ERCC6L2: variants seen among roughly 807,000 people sequenced by gnomAD.
The protein encoded by ERCC6L2 is DNA excision repair protein ERCC-6-like 2.
A neutral mutation model predicts 132.0 loss-of-function variants in ERCC6L2; 77 were observed. That is an observed-to-expected ratio of 0.58 (90% CI 0.49 to 0.71). The LOEUF is 0.71. Ranked by LOEUF, ERCC6L2 falls within the 30% of genes least tolerant of loss-of-function variation. The pLI, the probability that ERCC6L2 is intolerant of heterozygous loss-of-function variation, is 0.00. For missense variants in ERCC6L2, 1,542 were observed against 1,837.6 expected, an observed-to-expected ratio of 0.84 and a Z score of 2.94; for synonymous variants, 583 against 632.4, an observed-to-expected ratio of 0.92 and a Z score of 1.17.
downstream of ERCC6L2, among the ~76,000 whole-genome samples, chr9:96,019,414 C>G (rs1168482665): frequency 6.6e-6 from 1 of 152,170 alleles, no homozygotes; most frequent in Admixed American, 6.5e-5. Context: ...CCGTCCACCA[C>G]TCCCTGCCCT....
downstream of ERCC6L2, among the ~76,000 whole-genome samples, chr9:96,019,482 A>G (rs1834247280): frequency 6.6e-6 from 1 of 151,988 alleles, no homozygotes; most frequent in African/African-American, 2.4e-5. Context: ...GCAAAGCCCT[A>G]GGTTCCTTCC....
In ERCC6L2 at chr9:95,970,586, A is replaced by G; in HGVS notation, c.2111A>G (p.Gln704Arg). The change falls in exon 15 of 19, where the codon CAA becomes CGA. Residue 704 changes from glutamine (Q) to arginine (R), a missense_variant. Around this residue, in one of 4 missense-constraint regions of ERCC6L2, gnomAD observed 945 missense variants for 1,105.2 expected, o/e 0.86. Coordinates refer to ENST00000653738, the MANE Select transcript of ERCC6L2 (RefSeq NM_020207.7). ...TTACTGACATTATAGAGAGAAGGCC[A>G]AGTAGAAGCAGGGATCATGACAGCC... ...LTKDILEREG[Q>R]VEAGIMTATT... is the part of the protein sequence containing the mutation. 1 of 1,303,718 alleles carries G rather than the reference A, an allele frequency of 7.7e-7. No individual in the cohort carries two copies. Among genetic ancestry groups the G allele is most frequent in the Non-Finnish European group, 1.0e-6 (1 of 988,594 alleles). The allele number at this position is 1,303,718 out of a possible 1,614,324, so 80.8% of individuals were successfully genotyped here.
intron 6 of ERCC6L2, chr9:95,918,129 G>C (rs1211403839): frequency 6.9e-6 from 3 of 432,568 alleles, no homozygotes; most frequent in Non-Finnish European, 1.4e-5. Context: ...AAAAATAAAA[G>C]ATAAAAATAG....
At chr9:95,940,717 G>GA (rs990803235) in intron 11 of ERCC6L2, among the ~76,000 whole-genome samples, 3 of 150,374 alleles carry the variant, frequency 2.0e-5, no homozygotes, top group Non-Finnish European at 3.0e-5. Context: ...TAGGAACCAG[G>GA]AAAAAAAAAG....
rs528635678 is a variant in ERCC6L2 at position 95,952,806 on chromosome 9, C to T, written c.1848-3108C>T. ...AGTTTGCTGAGATTGCAACACTGTGCTCCAGCCTGGGCAACAGAGTGACTC... is the reference window on the plus strand; with the variant it reads ...AGTTTGCTGAGATTGCAACACTGTGTTCCAGCCTGGGCAACAGAGTGACTC... On this transcript the variant is annotated intron_variant, in intron 12 of 18. Transcript: ENST00000653738. Among the ~76,000 whole-genome samples the T allele has an allele frequency of 1.7e-3, 263 of 151,782 alleles. 1 individual carries two copies. Among genetic ancestry groups the T allele is most frequent in the Non-Finnish European group, 2.3e-3 (156 of 67,970 alleles).
chr9:95,936,513 A>G (rs1022055420), intron 11 of ERCC6L2, among the ~76,000 whole-genome samples: 3 of 152,142 alleles, frequency 2.0e-5, no homozygotes, highest in Non-Finnish European at 4.4e-5. Context: ...TTAAGAATCC[A>G]TTCTGTGTTA....
chr9:95,918,331 C>A, intron 6 of ERCC6L2: 2 of 389,710 alleles, frequency 5.1e-6, no homozygotes, highest in South Asian at 4.3e-5. Flanking sequence ...AAAGAGGGAC[C>A]AAATGACACG....
At chr9:96,021,106 GC>G, downstream of ERCC6L2, 1 of 423,954 alleles carries the variant, frequency 2.4e-6, no homozygotes, top group South Asian at 1.7e-5. This position sits in a 1 kb window ranked among gnomAD's most constrained non-coding sequence, Gnocchi z 4.7. Context: ...TCCCCCTCGC[GC>G]CCATTACTCT....
At chr9:95,994,216 C>T (rs1045063632) in intron 17 of ERCC6L2, among the ~76,000 whole-genome samples, 1 of 152,114 alleles carries the variant, frequency 6.6e-6, no homozygotes, top group Non-Finnish European at 1.5e-5. Context: ...CCTGTGATGA[C>T]CTTAGAGTGT....
At chr9:95,961,274 A>T (rs1163348021) in intron 13 of ERCC6L2, among the ~76,000 whole-genome samples, 1 of 152,096 alleles carries the variant, frequency 6.6e-6, no homozygotes, top group Non-Finnish European at 1.5e-5. Context: ...AGAAGGGGGA[A>T]ATTTGGATAC....
At chr9:95,881,624 T>C (rs1827600363) in intron 2 of ERCC6L2, among the ~76,000 whole-genome samples, 1 of 152,234 alleles carries the variant, frequency 6.6e-6, no homozygotes, top group South Asian at 2.1e-4. Context: ...AGGAAAGCAT[T>C]CTAACATTTG....
chr9:95,964,270 A>G (rs1276483547), intron 13 of ERCC6L2, among the ~76,000 whole-genome samples: 4 of 152,088 alleles, frequency 2.6e-5, no homozygotes, highest in South Asian at 2.1e-4. Flanking sequence ...GAATATCACT[A>G]TTTATTTGAT....
In ERCC6L2 at chr9:95,915,736, A is replaced by G. The variant is rs747908637; in HGVS notation, c.857A>G (p.Glu286Gly). ...AAGAATCCAAAAGCTAGAGTAACAG[A>G]AGTTATGAAAGCTTTGAAATGTAAT... is the stretch of plus-strand genomic sequence containing the variant. ...RIKNPKARVT[E>G]VMKALKCNVR... Residue 286 changes from glutamate (E) to glycine (G), a missense_variant, in exon 5 of 19, where the codon GAA becomes GGA. Around this residue, in one of 4 missense-constraint regions of ERCC6L2, gnomAD observed 945 missense variants for 1,105.2 expected, o/e 0.86. Coordinates refer to ENST00000653738, the MANE Select transcript of ERCC6L2 (RefSeq NM_020207.7). 3.1e-6 allele frequency: 5 copies of G among 1,613,982 alleles called. No homozygotes were observed. The Admixed American group carries it at 8.3e-5, about 27-fold the overall frequency.
chr9:96,030,721 G>T (rs1588068764), intron 19 of ERCC6L2, among the ~76,000 whole-genome samples: 1 of 121,614 alleles, frequency 8.2e-6, no homozygotes, highest in African/African-American at 3.1e-5. Context: ...AAAAAAAAAA[G>T]CTGTAACACT....
intron 16 of ERCC6L2, among the ~76,000 whole-genome samples, chr9:95,976,909 G>A (rs964362855): frequency 5.3e-5 from 8 of 151,992 alleles, no homozygotes; most frequent in African/African-American, 1.9e-4. Flanking sequence ...TACAAATGAG[G>A]CTTTCTTTGT....
chr9:95,906,471 A>G (rs1829040658), intron 3 of ERCC6L2: 1 of 344,994 alleles, frequency 2.9e-6, no homozygotes, highest in Non-Finnish European at 5.7e-6. Flanking sequence ...TGAGCAGCGT[A>G]CCCATGGCAA....
chr9:95,984,659 A>G (rs1331518760), intron 17 of ERCC6L2, among the ~76,000 whole-genome samples: 1 of 151,832 alleles, frequency 6.6e-6, no homozygotes, highest in Non-Finnish European at 1.5e-5. Flanking sequence ...TTTCTAATAA[A>G]CTCTGAACTT....
At chr9:95,926,466 A>G (rs891252172) in intron 9 of ERCC6L2, among the ~76,000 whole-genome samples, 3 of 152,204 alleles carry the variant, frequency 2.0e-5, no homozygotes, top group Non-Finnish European at 4.4e-5. Flanking sequence ...ATGAGCTATC[A>G]AGCTACCAAA....
intron 6 of ERCC6L2, among the ~76,000 whole-genome samples, chr9:95,916,769 G>A (rs945522557): frequency 6.1e-5 from 9 of 148,326 alleles, no homozygotes; most frequent in African/African-American, 7.5e-5. Context: ...TGCAACCTCC[G>A]CCTCCCAAGT....
Sources: gnomAD v4.1 joint callset for allele counts (sites outside exome capture counted in the v4.1 genomes callset) on GRCh38, gnomAD v4.1.1 for gene constraint, gnomAD v4.1.1 regional missense constraint, Gnocchi (gnomAD v3.1) non-coding constraint, MANE v1.5 for transcripts, NCBI Gene and HGNC (gene_info 2026-07-23, HGNC 2026-07-21) for gene names.